The following CACNB4 variants were observed in gnomAD, a reference collection of about 807,000 sequenced individuals.
CACNB4 encodes calcium voltage-gated channel auxiliary subunit beta 4.
A neutral mutation model predicts 71.2 loss-of-function variants in CACNB4; 32 were observed. That is an observed-to-expected ratio of 0.45 (90% CI 0.34 to 0.60). The LOEUF is 0.60. Among genes scored for constraint, CACNB4 ranks in the 20% least tolerant of loss-of-function variants. The probability of loss-of-function intolerance (pLI) is 0.01; values close to 1 mark genes in which losing one functional copy is unlikely to be tolerated. For missense variants in CACNB4, 464 were observed against 647.9 expected (o/e 0.72, Z 3.08); for synonymous variants, 231 against 236.9 (o/e 0.97, Z 0.23).
intron 2 of CACNB4, among the ~76,000 whole-genome samples, chr2:152,070,065 G>C (rs556911427): frequency 7.8e-4 from 119 of 152,036 alleles, no homozygotes; most frequent in African/African-American, 2.8e-3. Flanking sequence ...GGATGGTCTC[G>C]ATCTCCTGAC....
At chr2:152,036,157 G>A (rs1405797613) in intron 2 of CACNB4, among the ~76,000 whole-genome samples, 1 of 152,200 alleles carries the variant, frequency 6.6e-6, no homozygotes, top group African/African-American at 2.4e-5. Context: ...AGCACCGGGA[G>A]GAGGTGGTAA....
intron 2 of CACNB4, among the ~76,000 whole-genome samples, chr2:151,912,152 G>A (rs995903850): frequency 4.0e-5 from 6 of 151,822 alleles, no homozygotes; most frequent in Non-Finnish European, 5.9e-5. Flanking sequence ...GAGTGTTTTT[G>A]TGCCTCTATC....
chr2:151,955,736 C>T (rs1026471222), intron 2 of CACNB4, among the ~76,000 whole-genome samples: 5 of 151,864 alleles, frequency 3.3e-5, no homozygotes, highest in Admixed American at 1.3e-4. Context: ...GAGACCCCAT[C>T]TCCACAAAAT....
chr2:152,086,759 A>T (rs1579273481), intron 2 of CACNB4, among the ~76,000 whole-genome samples: 1 of 152,286 alleles, frequency 6.6e-6, no homozygotes, highest in Middle Eastern at 3.4e-3. Context: ...TATTATAAAA[A>T]CCACCCCCCT....
intron 2 of CACNB4, among the ~76,000 whole-genome samples, chr2:152,019,010 G>A (rs375626053): frequency 2.6e-5 from 4 of 152,174 alleles, no homozygotes; most frequent in African/African-American, 9.6e-5. Flanking sequence ...GTTAGTGATT[G>A]GTATCTGGGG....
chr2:151,932,558 T>A (rs781440552), intron 2 of CACNB4, among the ~76,000 whole-genome samples: 20 of 152,102 alleles, frequency 1.3e-4, no homozygotes, highest in Admixed American at 6.6e-4. Context: ...ACAGGGTCCC[T>A]ATAAAGATAA....
At chr2:151,876,997 TAATATA>T (rs1402087331) in intron 4 of CACNB4, among the ~76,000 whole-genome samples, 3 of 147,568 alleles carry the variant, frequency 2.0e-5, no homozygotes, top group African/African-American at 4.9e-5. Context: ...TACTATATAT[TAATATA>T]AAGTATATTG....
At chr2:151,976,681 G>A (rs948207375) in intron 2 of CACNB4, among the ~76,000 whole-genome samples, 1 of 152,194 alleles carries the variant, frequency 6.6e-6, no homozygotes, top group Non-Finnish European at 1.5e-5. Flanking sequence ...GAGACGCTCA[G>A]CTCTGAACCT....
intron 2 of CACNB4, chr2:151,969,249 A>C (rs2099871919): frequency 6.6e-6 from 1 of 152,100 alleles, no homozygotes; most frequent in Admixed American, 6.5e-5. Context: ...AGACTTTTTG[A>C]CTCCAGAAGA....
chr2:151,898,159 CAAG>C (rs772521004), intron 2 of CACNB4, among the ~76,000 whole-genome samples: 15 of 152,182 alleles, frequency 9.9e-5, no homozygotes, highest in South Asian at 2.1e-4. Flanking sequence ...TTGGGAATAA[CAAG>C]AAGACAGTCA....
intron 2 of CACNB4, among the ~76,000 whole-genome samples, chr2:152,003,074 T>C (rs1254135179): frequency 6.6e-6 from 1 of 152,160 alleles, no homozygotes; most frequent in African/African-American, 2.4e-5. Flanking sequence ...AAATATAAAG[T>C]TTTGCCTGAT....
chr2:152,029,140 G>T (rs1684125053), intron 2 of CACNB4, among the ~76,000 whole-genome samples: 1 of 152,100 alleles, frequency 6.6e-6, no homozygotes, highest in Non-Finnish European at 1.5e-5. Flanking sequence ...ATTTAGATGA[G>T]GTCATGAGGG....
chr2:152,057,479 G>A (rs1237484999), intron 2 of CACNB4, among the ~76,000 whole-genome samples: 2 of 152,196 alleles, frequency 1.3e-5, no homozygotes, highest in African/African-American at 2.4e-5. Context: ...TGACTTCTGT[G>A]TATACAGAAG....
chr2:151,924,073 C>CTTTTTTTTTTT (rs59036016), intron 2 of CACNB4, among the ~76,000 whole-genome samples: 6 of 91,418 alleles, frequency 6.6e-5, no homozygotes, highest in Non-Finnish European at 1.2e-4. Flanking sequence ...ATTCTGAAAT[C>CTTTTTTTTTTT]TTTTTTTTTT....
chr2:151,869,343 T>C (rs938414646), intron 8 of CACNB4, 108 bp from the exon 9 acceptor site: 7 of 657,198 alleles, frequency 1.1e-5, no homozygotes, highest in Non-Finnish European at 1.9e-5. Flanking sequence ...CAAGACCTTA[T>C]TGTAGCCATT....
chr2:152,088,340 A>C (rs957686474), intron 2 of CACNB4, among the ~76,000 whole-genome samples: 4 of 152,220 alleles, frequency 2.6e-5, no homozygotes, highest in African/African-American at 9.6e-5. Flanking sequence ...ATTTATCTGC[A>C]CAAGTTACTA....
At chr2:151,876,324 T>G (rs1331740549) in intron 5 of CACNB4, 102 bp downstream of exon 5, 1 of 967,890 alleles carries the variant, frequency 1.0e-6, no homozygotes, top group South Asian at 2.2e-5. Context: ...CAGAAACACT[T>G]TGCACACAGA....
At chr2:152,027,380 C>T (rs1181591744) in intron 2 of CACNB4, among the ~76,000 whole-genome samples, 1 of 152,256 alleles carries the variant, frequency 6.6e-6, no homozygotes, top group Non-Finnish European at 1.5e-5. Flanking sequence ...AAAGAGCTTA[C>T]AATCTAGCAG....
chr2:151,888,204 T>C (rs544355569), intron 2 of CACNB4, among the ~76,000 whole-genome samples: 94 of 152,314 alleles, frequency 6.2e-4, no homozygotes, highest in African/African-American at 1.7e-3. Flanking sequence ...TAAGTAATTT[T>C]AGTATTTAGG....
Sources: gnomAD v4.1 joint callset for allele counts (sites outside exome capture counted in the v4.1 genomes callset) on GRCh38, gnomAD v4.1.1 for gene constraint, MANE v1.5 for transcripts, NCBI Gene and HGNC (gene_info 2026-07-23, HGNC 2026-07-21) for gene names.